Variants in ADD3 observed in about 807,000 individuals in gnomAD.
ADD3 encodes the protein adducin 3.
Under a neutral mutation model 80.2 loss-of-function variants are expected in ADD3, and 25 were observed. The ratio of observed to expected loss-of-function variants is 0.31; its 90% CI spans 0.23 to 0.44. ADD3 has a LOEUF of 0.44. ADD3 is among the 20% of genes least tolerant of loss of function. ADD3 has a pLI of 1.00. For missense variants in ADD3, 829 were observed against 847.5 expected, an observed-to-expected ratio of 0.98 and a Z score of 0.27; for synonymous variants, 284 against 289.6, an observed-to-expected ratio of 0.98 and a Z score of 0.20.
chr10:110,126,033 T>C, intron 11 of ADD3, 88 bp downstream of exon 11: 1 of 1,361,040 alleles, frequency 7.3e-7, no homozygotes, highest in East Asian at 2.3e-5. Context: ...AATGCCAAAC[T>C]TAGAAGTTTG....
intron 1 of ADD3, among the ~76,000 whole-genome samples, chr10:110,035,743 A>G (rs968613658): frequency 1.3e-5 from 2 of 152,198 alleles, no homozygotes; most frequent in Non-Finnish European, 2.9e-5. Flanking sequence ...GGTAATTTGC[A>G]TTCTCACACG....
At position 110,124,325 on chromosome 10, in the gene ADD3, A is replaced by G. The variant is rs760913448; in HGVS notation, c.1401+51A>G. ...CCTTTACTAAATATTTTGCCTAGTT[A>G]CTCAAGAATTGAATGTTCTATATTG... is the stretch of plus-strand genomic sequence containing the variant. On this transcript the variant is annotated intron_variant, in intron 10 of 14. Coordinates refer to ENST00000356080, the MANE Select transcript of ADD3 (RefSeq NM_016824.5). 7.0e-6 allele frequency: 11 copies of G among 1,579,622 alleles called. No homozygotes were observed. The Admixed American group carries it at 8.8e-5, about 13-fold the overall frequency.
At chr10:110,127,126 C>G (rs1438133769) in intron 12 of ADD3, among the ~76,000 whole-genome samples, 1 of 152,138 alleles carries the variant, frequency 6.6e-6, no homozygotes, top group African/African-American at 2.4e-5. Context: ...AAGGATACAT[C>G]ACAGTTTTTG....
Position 110,100,659 on chromosome 10 carries a change from C to T in ADD3, c.6C>T (p.Ser2=), listed in dbSNP as rs1401932942. The part of the protein sequence containing the change: M[S]SDASQGVITT... ...GTAATCCACAGACTTAAAACATGAGCTCAGATGCCAGCCAAGGCGTGATTA... is the reference window on the plus strand; with the variant it reads ...GTAATCCACAGACTTAAAACATGAGTTCAGATGCCAGCCAAGGCGTGATTA... Residue 2 remains serine, a synonymous_variant, in exon 2 of 15, where the codon AGC becomes AGT. Coordinates refer to ENST00000356080, the MANE Select transcript of ADD3 (RefSeq NM_016824.5). 1.2e-6 allele frequency: 2 copies of T among 1,606,358 alleles called. No homozygotes were observed. The highest frequency in any genetic ancestry group is 8.5e-7 in the Non-Finnish European group (1 of 1,176,598).
intron 12 of ADD3, among the ~76,000 whole-genome samples, chr10:110,128,371 C>T (rs1344565679): frequency 6.6e-6 from 1 of 151,206 alleles, no homozygotes; most frequent in Non-Finnish European, 1.5e-5. Flanking sequence ...TGTTTTCTAA[C>T]CCTTTTAATT....
chr10:110,117,664 ATTTT>A (rs113227454), intron 5 of ADD3, among the ~76,000 whole-genome samples: 46 of 146,436 alleles, frequency 3.1e-4, no homozygotes, highest in Admixed American at 7.5e-4. Context: ...GGGAATCGTG[ATTTT>A]TTTTTTTTTA....
rs573597310 is a variant in ADD3 at position 109,997,664 on chromosome 10, A to G, written n.79+1218A>G. On this transcript the variant is annotated intron_variant and non_coding_transcript_variant, in intron 1 of 5. Transcript: ENST00000468251. ...TTAAATCACACCGTATGATTTGACT[A>G]TATTTGGGAATGCCATTGAATTCTT... 9 of 152,314 alleles carry G rather than the reference A, an allele frequency of 5.9e-5. 1 individual carries two copies. The South Asian group carries it at 1.4e-3, about 25-fold the overall frequency. The allele number at this position is 152,314 out of a possible 1,614,324, so 9.4% of individuals were successfully genotyped here. A position where few individuals can be genotyped will look rare whatever the true frequency, so the allele number is the denominator to read the frequency against.
intron 2 of ADD3, among the ~76,000 whole-genome samples, chr10:110,109,936 G>A (rs1379540433): frequency 6.6e-6 from 1 of 152,008 alleles, no homozygotes; most frequent in African/African-American, 2.4e-5. Context: ...TCTTTGTAGA[G>A]GATATTTTAC....
intron 1 of ADD3, among the ~76,000 whole-genome samples, chr10:110,072,544 G>A (rs1329791318): frequency 6.6e-6 from 1 of 152,158 alleles, no homozygotes; most frequent in Non-Finnish European, 1.5e-5. Context: ...TTACCGGGTG[G>A]AGGCCTGTAG....
rs375567624 is a variant in ADD3, at chr10:110,077,781, A to C, written c.-29-22844A>C. Among the ~76,000 whole-genome samples the C allele has an allele frequency of 1.8e-3, 159 of 90,338 alleles. No individual in the cohort carries two copies. In the African/African-American group the frequency reaches 0.018, roughly 10 times the overall value. 59.3% of individuals were successfully genotyped at this position (90,338 alleles called of 152,430 possible). ...ATGTTCAGCAATTTTTTTTTTCGCA[A>C]CTGGGGGTCTGTCTGATCTTTTTTC... On this transcript the variant is annotated intron_variant, in intron 1 of 14. Transcript: ENST00000356080.
intron 5 of ADD3, among the ~76,000 whole-genome samples, chr10:110,118,019 T>TACACACACACACACAC (rs148105742): frequency 6.4e-4 from 80 of 125,688 alleles, no homozygotes; most frequent in Non-Finnish European, 8.5e-4. Context: ...CTGTCTTCAA[T>TACACACACACACACAC]ACACACACAC....
chr10:110,118,824 T>C lies in ADD3; in HGVS notation c.717+88T>C, dbSNP rs1310952058. 5.3e-6 allele frequency: 7 copies of C among 1,316,684 alleles called. No individual in the cohort carries two copies. In the African/African-American group the frequency reaches 1.1e-4, roughly 20 times the overall value. The allele number at this position is 1,316,684 out of a possible 1,614,324, so 81.6% of individuals were successfully genotyped here. ...TCAACAGGATGCTTTACTATCTGCT[T>C]TTCAAAATCATATTTGATACAATAA... On this transcript the variant is annotated intron_variant, in intron 6 of 14. Coordinates refer to ENST00000356080, the MANE Select transcript of ADD3 (RefSeq NM_016824.5).
chr10:110,005,189 G>A (rs544128676), upstream of ADD3, among the ~76,000 whole-genome samples: 98 of 152,100 alleles, frequency 6.4e-4, 1 homozygote, highest in East Asian at 1.4e-3. Flanking sequence ...AGCCTCCTAA[G>A]TAGCTGGGAT....
At chr10:110,130,719 G>A (rs919670121) in intron 13 of ADD3, among the ~76,000 whole-genome samples, 1 of 152,118 alleles carries the variant, frequency 6.6e-6, no homozygotes, top group Non-Finnish European at 1.5e-5. Flanking sequence ...AGCCGGGCAT[G>A]GTGGTACACG....
intron 1 of ADD3, among the ~76,000 whole-genome samples, chr10:110,018,986 G>T (rs1853330570): frequency 6.6e-6 from 1 of 152,156 alleles, no homozygotes; most frequent in African/African-American, 2.4e-5. Flanking sequence ...TTAATAGAAA[G>T]ACTTTAGGAA....
At chr10:110,130,097 G>A (rs2134230992) in intron 12 of ADD3, among the ~76,000 whole-genome samples, 1 of 152,000 alleles carries the variant, frequency 6.6e-6, no homozygotes, top group Non-Finnish European at 1.5e-5. Context: ...TGGCATAATG[G>A]TTTTTAAAAA....
At chr10:110,129,666 T>C (rs913966637) in intron 12 of ADD3, among the ~76,000 whole-genome samples, 1 of 152,228 alleles carries the variant, frequency 6.6e-6, no homozygotes, top group Non-Finnish European at 1.5e-5. Context: ...ATAAGCATGC[T>C]TCTCATTTGC....
chr10:110,073,142 T>TTTC (rs1554932826), intron 1 of ADD3, among the ~76,000 whole-genome samples: 12 of 137,712 alleles, frequency 8.7e-5, no homozygotes, highest in African/African-American at 3.1e-4. Context: ...AGTTTTCTTT[T>TTTC]TTTTTTTTTT....
At chr10:110,073,806 A>G (rs180734519) in intron 1 of ADD3, among the ~76,000 whole-genome samples, 36 of 152,314 alleles carry the variant, frequency 2.4e-4, no homozygotes, top group African/African-American at 6.7e-4. Flanking sequence ...GCTCTGTGCT[A>G]TCTGTTGGAA....
Sources: gnomAD v4.1 joint callset for allele counts (sites outside exome capture counted in the v4.1 genomes callset) on GRCh38, gnomAD v4.1.1 for gene constraint, MANE v1.5 for transcripts, NCBI Gene and HGNC (gene_info 2026-07-23, HGNC 2026-07-21) for gene names.